The following KCNH7 variants were observed in gnomAD, a reference collection of about 807,000 sequenced individuals.
The protein encoded by KCNH7 is potassium voltage-gated channel subfamily H member 7, also known as voltage-gated inwardly rectifying potassium channel KCNH7.
In KCNH7, 49 loss-of-function variants were observed where a neutral mutation model predicts 120.8. That is an observed-to-expected ratio of 0.41 (90% CI 0.32 to 0.51). The LOEUF (loss-of-function observed/expected upper bound fraction) is 0.51. Ranked by LOEUF, KCNH7 falls within the 20% of genes least tolerant of loss-of-function variation. The probability of loss-of-function intolerance (pLI) is 0.38; values close to 1 mark genes in which losing one functional copy is unlikely to be tolerated. For synonymous variants in KCNH7, 547 were observed against 516.1 expected (o/e 1.06, Z -0.81); for missense variants, 1,097 against 1,446.6 (o/e 0.76, Z 3.92).
chr2:162,470,655 C>G (rs1259929957), intron 6 of KCNH7, among the ~76,000 whole-genome samples: 1 of 149,770 alleles, frequency 6.7e-6, no homozygotes, highest in Non-Finnish European at 1.5e-5. Flanking sequence ...CCAGCCGCCC[C>G]GTCCGGGAGG....
intron 2 of KCNH7, among the ~76,000 whole-genome samples, chr2:162,603,085 G>A (rs1241487201): frequency 2.0e-5 from 3 of 151,918 alleles, no homozygotes; most frequent in African/African-American, 4.8e-5. Flanking sequence ...TGAAGATTAC[G>A]AGTTGGAGAT....
intron 2 of KCNH7, among the ~76,000 whole-genome samples, chr2:162,632,452 A>G (rs905716404): frequency 1.3e-5 from 2 of 151,954 alleles, no homozygotes; most frequent in Admixed American, 6.6e-5. Context: ...GAAATAATCT[A>G]TAAACTGAAA....
chr2:162,733,715 C>A (rs936412765), intron 2 of KCNH7, among the ~76,000 whole-genome samples: 4 of 152,196 alleles, frequency 2.6e-5, no homozygotes, highest in African/African-American at 7.2e-5. Context: ...ATTTTGTCAG[C>A]CATCAGCAGC....
chr2:162,524,057 G>C (rs1017507940), intron 3 of KCNH7, among the ~76,000 whole-genome samples: 1 of 151,908 alleles, frequency 6.6e-6, no homozygotes, highest in Non-Finnish European at 1.5e-5. Flanking sequence ...CCTCACAAAG[G>C]GTTGGGGTGG....
intron 14 of KCNH7, among the ~76,000 whole-genome samples, chr2:162,374,261 CA>C (rs1686080729): frequency 6.6e-6 from 1 of 152,118 alleles, no homozygotes; most frequent in Admixed American, 6.6e-5. Flanking sequence ...ATGTAAGAAG[CA>C]GACCAAACTT....
intron 2 of KCNH7, among the ~76,000 whole-genome samples, chr2:162,792,181 T>A (rs1289721299): frequency 6.6e-6 from 1 of 152,144 alleles, no homozygotes; most frequent in African/African-American, 2.4e-5. Context: ...CTGGATTTGG[T>A]TTGCCAGTAT....
At chr2:162,646,856 T>C (rs1210752194) in intron 2 of KCNH7, among the ~76,000 whole-genome samples, 1 of 152,210 alleles carries the variant, frequency 6.6e-6, no homozygotes, top group African/African-American at 2.4e-5. Flanking sequence ...GAGCCCAGGC[T>C]GGGTAACATC....
At chr2:162,404,838 C>T (rs1223330352) in intron 9 of KCNH7, among the ~76,000 whole-genome samples, 1 of 151,978 alleles carries the variant, frequency 6.6e-6, no homozygotes, top group Non-Finnish European at 1.5e-5. Context: ...AGCATGGGAG[C>T]ATAACAATGA....
chr2:162,532,415 C>T (rs1574071173), intron 3 of KCNH7, among the ~76,000 whole-genome samples: 1 of 151,740 alleles, frequency 6.6e-6, no homozygotes, highest in East Asian at 1.9e-4. Context: ...TGCACAAGAC[C>T]CCAGATACCA....
intron 2 of KCNH7, among the ~76,000 whole-genome samples, chr2:162,651,174 G>A (rs932143657): frequency 2.0e-5 from 3 of 152,132 alleles, no homozygotes; most frequent in South Asian, 4.1e-4. Flanking sequence ...ATGTAAGAGA[G>A]AAGTATCTTA....
intron 3 of KCNH7, among the ~76,000 whole-genome samples, chr2:162,519,801 C>T (rs922107773): frequency 4.0e-5 from 6 of 151,796 alleles, no homozygotes; most frequent in African/African-American, 1.2e-4. Flanking sequence ...GCAATATTAA[C>T]TACCTTCTTA....
chr2:162,695,744 A>G (rs1253509298), intron 2 of KCNH7, among the ~76,000 whole-genome samples: 1 of 152,154 alleles, frequency 6.6e-6, no homozygotes, highest in East Asian at 1.9e-4. Flanking sequence ...GTAGCTCTTG[A>G]AACTGACATG....
At chr2:162,705,092 C>T (rs1460200594) in intron 2 of KCNH7, among the ~76,000 whole-genome samples, 1 of 151,926 alleles carries the variant, frequency 6.6e-6, no homozygotes, top group African/African-American at 2.4e-5. Flanking sequence ...CATTGTCATA[C>T]TATAAAAGAA....
intron 2 of KCNH7, among the ~76,000 whole-genome samples, chr2:162,735,780 C>A (rs545080568): frequency 6.6e-6 from 1 of 152,194 alleles, no homozygotes; most frequent in South Asian, 2.1e-4. Context: ...GGTGGCCATG[C>A]GATTATTAAA....
Position 162,615,477 on chromosome 2 carries a change from G to A in KCNH7, c.308-78397C>T, listed in dbSNP as rs76585083. 4.5e-3 allele frequency among the ~76,000 whole-genome samples: 679 copies of A among 152,178 alleles called. 7 individuals are homozygous for A. The highest frequency in any genetic ancestry group is 0.016 in the African/African-American group (652 of 41,534). ...AAATCTAGCTAAGATTTGCCTCAGG[G>A]GTCAGGGTGGCTTGTGCATTCTTTG... On this transcript the variant is annotated intron_variant, in intron 2 of 15. Transcript: ENST00000332142.
intron 12 of KCNH7, among the ~76,000 whole-genome samples, 184 bp from the exon 13 acceptor site, chr2:162,385,123 C>A (rs1686536648): frequency 6.6e-6 from 1 of 151,804 alleles, no homozygotes; most frequent in Admixed American, 6.6e-5. Context: ...GTAAATTATT[C>A]ATTTCAAAAT....
rs1293803505 is a variant in KCNH7, at chr2:162,591,461, AT to A, written c.308-54382del. Among the ~76,000 whole-genome samples, 3 of 152,170 alleles carry A rather than the reference AT, an allele frequency of 2.0e-5. No homozygotes were observed. In the East Asian group the frequency reaches 5.8e-4, roughly 30 times the overall value. ...AGAATTCCAGCTTTTATCCCCTAGA[AT>A]TAAACAGCGACATATTTTGTGGAGG... On this transcript the variant is annotated intron_variant, in intron 2 of 15. Transcript: ENST00000332142.
intron 6 of KCNH7, among the ~76,000 whole-genome samples, chr2:162,483,736 G>A (rs75776221): frequency 0.014 from 2,202 of 152,106 alleles, 63 homozygotes; most frequent in African/African-American, 0.049. Flanking sequence ...TAATTTTCTT[G>A]AGTCAGGTAG....
At chr2:162,530,301 A>G (rs954091885) in intron 3 of KCNH7, among the ~76,000 whole-genome samples, 1 of 151,996 alleles carries the variant, frequency 6.6e-6, no homozygotes, top group Non-Finnish European at 1.5e-5. Context: ...GTTTGAAGCT[A>G]TGCTTCTTGT....
Sources: allele counts gnomAD v4.1 joint callset (sites outside exome capture counted in the v4.1 genomes callset), GRCh38; gene constraint gnomAD v4.1.1; transcripts MANE v1.5; gene names NCBI Gene and HGNC (gene_info 2026-07-23, HGNC 2026-07-21).